NME9: variants seen among roughly 807,000 people sequenced by gnomAD.
The protein encoded by NME9 is NME/NM23 family member 9, also known as thioredoxin domain-containing protein 6.
NME9 carries 48 observed loss-of-function variants against 44.4 expected under a neutral mutation model. The observed-to-expected ratio is 1.08, with a 90% confidence interval of 0.86 to 1.37. The LOEUF is 1.37. NME9 is among the 40% of genes most tolerant of loss of function. The pLI, the probability that NME9 is intolerant of heterozygous loss-of-function variation, is 0.00. For synonymous variants in NME9, 139 were observed against 147.1 expected, an observed-to-expected ratio of 0.94 and a Z score of 0.40; for missense variants, 325 against 405.2, an observed-to-expected ratio of 0.80 and a Z score of 1.70.
At chr3:138,313,194 C>T (rs894131706) in intron 6 of NME9, among the ~76,000 whole-genome samples, 4 of 152,130 alleles carry the variant, frequency 2.6e-5, no homozygotes, top group African/African-American at 9.7e-5. Flanking sequence ...AGTTCAAAAC[C>T]AGCCTGGCCA....
intron 8 of NME9, among the ~76,000 whole-genome samples, chr3:138,276,702 T>C (rs1469653074): frequency 6.6e-6 from 1 of 152,164 alleles, no homozygotes; most frequent in Non-Finnish European, 1.5e-5. Flanking sequence ...ATTCTATGTA[T>C]AAATCTCACA....
chr3:138,263,456 C>G (rs891341249), intron 8 of NME9: 1 of 400,266 alleles, frequency 2.5e-6, no homozygotes, highest in Non-Finnish European at 4.6e-6. Flanking sequence ...CATAACACCT[C>G]TGCAGTACTT....
At chr3:138,328,517 A>G (rs1461585933) in intron 1 of NME9, among the ~76,000 whole-genome samples, 2 of 152,148 alleles carry the variant, frequency 1.3e-5, no homozygotes, top group Non-Finnish European at 2.9e-5. Context: ...ATTATCTAGG[A>G]GGCGCTGTAG....
intron 8 of NME9, among the ~76,000 whole-genome samples, chr3:138,271,569 C>T (rs1246403707): frequency 6.6e-6 from 1 of 152,152 alleles, no homozygotes; most frequent in East Asian, 1.9e-4. Context: ...TTATTCTCGT[C>T]AGTCTTCATA....
Position 138,308,235 on chromosome 3 carries a change from G to A in NME9, c.461-1755C>T, listed in dbSNP as rs552102906. Among the ~76,000 whole-genome samples the A allele has an allele frequency of 1.1e-4, 16 of 152,196 alleles. No individual in the cohort carries two copies. The South Asian group carries it at 1.9e-3, about 18-fold the overall frequency. On this transcript the variant is annotated intron_variant, in intron 6 of 10. Transcript: ENST00000333911. ...TGCTGTCCTAAACTGTGCCTTCTCC[G>A]TTGTTAGAATCCAACTCAAACAATT...
At chr3:138,310,738 A>G (rs2052642518) in intron 6 of NME9, among the ~76,000 whole-genome samples, 1 of 152,226 alleles carries the variant, frequency 6.6e-6, no homozygotes, top group Non-Finnish European at 1.5e-5. Context: ...ATACACATCC[A>G]AAATCTACAG....
intron 8 of NME9, chr3:138,287,635 G>A: frequency 2.2e-6 from 1 of 456,648 alleles, no homozygotes; most frequent in Non-Finnish European, 4.4e-6. Context: ...TCTTAAGGGA[G>A]CCCAAACTGG....
chr3:138,277,898 A>G (rs948545101), intron 8 of NME9, among the ~76,000 whole-genome samples: 11 of 151,190 alleles, frequency 7.3e-5, no homozygotes, highest in African/African-American at 2.7e-4. Flanking sequence ...CATTCATATA[A>G]TGGGATATCA....
intron 8 of NME9, among the ~76,000 whole-genome samples, chr3:138,279,301 G>C (rs1430000556): frequency 6.6e-6 from 1 of 151,582 alleles, no homozygotes; most frequent in East Asian, 1.9e-4. Context: ...ACTTTCTTTT[G>C]CATCTGTTGA....
chr3:138,264,143 T>G (rs758766445), intron 8 of NME9: 1 of 1,613,298 alleles, frequency 6.2e-7, no homozygotes, highest in East Asian at 2.2e-5. Context: ...GTTTGCACAG[T>G]TTATCCAGAT....
chr3:138,271,125 T>C (rs530899994), intron 8 of NME9, among the ~76,000 whole-genome samples: 1 of 152,204 alleles, frequency 6.6e-6, no homozygotes, highest in East Asian at 1.9e-4. Context: ...TGTGTTTTTA[T>C]ACAGACTTTA....
At chr3:138,308,043 G>C (rs2108437555) in intron 6 of NME9, among the ~76,000 whole-genome samples, 2 of 152,226 alleles carry the variant, frequency 1.3e-5, no homozygotes, top group South Asian at 4.2e-4. Flanking sequence ...TAAGAGGAAG[G>C]CTAAGGAAGG....
chr3:138,327,308 A>G (rs1240480194), intron 1 of NME9, among the ~76,000 whole-genome samples: 1 of 152,152 alleles, frequency 6.6e-6, no homozygotes, highest in Non-Finnish European at 1.5e-5. Context: ...CCCTGGGCCC[A>G]CAACTACAGT....
At chr3:138,316,281 C>T (rs554426155) in intron 4 of NME9, among the ~76,000 whole-genome samples, 5 of 152,290 alleles carry the variant, frequency 3.3e-5, no homozygotes, top group African/African-American at 1.2e-4. Flanking sequence ...GTGTGGCTTA[C>T]ACATGATTTA....
At chr3:138,327,546 T>C (rs1453887699) in intron 1 of NME9, among the ~76,000 whole-genome samples, 1 of 152,120 alleles carries the variant, frequency 6.6e-6, no homozygotes, top group African/African-American at 2.4e-5. Context: ...TGGTAGGGAA[T>C]GAATAGGGAA....
intron 8 of NME9, chr3:138,270,023 TCCCTGTCCAATGGCAGCCAA>T (rs1576896981): frequency 1.9e-6 from 3 of 1,578,878 alleles, no homozygotes; most frequent in South Asian, 1.1e-5. Flanking sequence ...ATTTTTTTTT[TCCCTGTCCAATGGCAGCCAA>T]TTTTGGAATC....
chr3:138,327,755 G>A (rs1182258589), intron 1 of NME9, among the ~76,000 whole-genome samples: 3 of 152,104 alleles, frequency 2.0e-5, no homozygotes, highest in African/African-American at 7.2e-5. Flanking sequence ...GACGGGAGGG[G>A]AGGCTGCTCG....
intron 8 of NME9, 132 bp from the exon 9 acceptor site, chr3:138,305,159 GC>G: frequency 1.3e-6 from 1 of 756,030 alleles, no homozygotes; most frequent in Non-Finnish European, 2.2e-6. Context: ...CATGCCCGTG[GC>G]CACTCAGCCA....
chr3:138,280,496 T>C (rs2049786393), intron 8 of NME9, among the ~76,000 whole-genome samples: 1 of 149,142 alleles, frequency 6.7e-6, no homozygotes, highest in Admixed American at 6.7e-5. Context: ...TTCTTTTTTT[T>C]CTTTTTTTTT....
Sources: gnomAD v4.1 joint callset for allele counts (sites outside exome capture counted in the v4.1 genomes callset) on GRCh38, gnomAD v4.1.1 for gene constraint, MANE v1.5 for transcripts, NCBI Gene and HGNC (gene_info 2026-07-23, HGNC 2026-07-21) for gene names.